The following LIPN variants were observed in gnomAD, a reference collection of about 807,000 sequenced individuals.
LIPN encodes lipase family member N.
LIPN carries 32 observed loss-of-function variants against 43.7 expected under a neutral mutation model. The observed-to-expected ratio is 0.73, with a 90% CI of 0.55 to 0.98. The LOEUF is 0.98. Among genes scored for constraint, LIPN ranks in the 50% least tolerant of loss-of-function variants. LIPN has a pLI of 0.00. For missense variants in LIPN, 505 were observed against 483.8 expected (o/e 1.04, Z -0.41); for synonymous variants, 156 against 157.6 (o/e 0.99, Z 0.08).
chr10:88,771,014 C>T, intron 7 of LIPN, 23 bp downstream of exon 7: 1 of 1,526,978 alleles, frequency 6.5e-7, no homozygotes. Flanking sequence ...ATTATAGGGC[C>T]ATTTGATACC....
At chr10:88,764,330 A>G (rs1843052126) in intron 3 of LIPN, 80 bp from the exon 4 acceptor site, 11 of 1,095,118 alleles carry the variant, frequency 1.0e-5, no homozygotes, top group East Asian at 2.4e-5. Context: ...GACATGCTCT[A>G]TTTAACATAA....
At chr10:88,757,706 G>A (rs1255625141), upstream of LIPN, among the ~76,000 whole-genome samples, 1 of 152,062 alleles carries the variant, frequency 6.6e-6, no homozygotes, top group Non-Finnish European at 1.5e-5. Flanking sequence ...TAGTAATTAT[G>A]AACATTCCCA....
At chr10:88,769,516 T>G in intron 6 of LIPN, 1 of 909,376 alleles carries the variant, frequency 1.1e-6, no homozygotes, top group Non-Finnish European at 1.3e-6. Flanking sequence ...TTAAAGGGTT[T>G]TTTTTTTTTT....
chr10:88,771,794 G>A (rs1170849658), intron 7 of LIPN, among the ~76,000 whole-genome samples: 1 of 150,822 alleles, frequency 6.6e-6, no homozygotes, highest in East Asian at 2.0e-4. Flanking sequence ...TGGATCATAT[G>A]GTAATTCTAC....
chr10:88,766,243 A>G, intron 4 of LIPN, 26 bp from the exon 5 acceptor site: 1 of 1,123,730 alleles, frequency 8.9e-7, no homozygotes, highest in South Asian at 1.3e-5. Flanking sequence ...GCAAGTATTT[A>G]TAAAAGCCCC....
intron 9 of LIPN, 72 bp from the exon 10 acceptor site, chr10:88,777,937 C>T (rs1843321851): frequency 1.1e-6 from 1 of 874,364 alleles, no homozygotes; most frequent in Non-Finnish European, 1.8e-6. Flanking sequence ...TGTCCACATT[C>T]ATTTAGCAGC....
upstream of LIPN, among the ~76,000 whole-genome samples, chr10:88,759,735 A>G (rs781571156): frequency 6.6e-6 from 1 of 152,082 alleles, no homozygotes; most frequent in Non-Finnish European, 1.5e-5. Context: ...CTGATTGTCC[A>G]TTAAGATCTT....
At chr10:88,758,040 G>C (rs1386155793), upstream of LIPN, among the ~76,000 whole-genome samples, 1 of 151,968 alleles carries the variant, frequency 6.6e-6, no homozygotes, top group Non-Finnish European at 1.5e-5. Context: ...TTTTAACTTT[G>C]AGTTATTTTC....
chr10:88,763,258 T>C (rs961682564), intron 3 of LIPN, among the ~76,000 whole-genome samples: 3 of 152,082 alleles, frequency 2.0e-5, no homozygotes, highest in Non-Finnish European at 2.9e-5. Flanking sequence ...AAAGTCATTA[T>C]TTATTCACTA....
intron 5 of LIPN, among the ~76,000 whole-genome samples, chr10:88,766,861 G>A (rs1011649172): frequency 7.2e-5 from 11 of 151,894 alleles, no homozygotes; most frequent in Non-Finnish European, 1.5e-4. Flanking sequence ...TTTGTGAGTT[G>A]GAACACACAA....
chr10:88,774,363 A>T, intron 7 of LIPN, 110 bp from the exon 8 acceptor site: 1 of 659,784 alleles, frequency 1.5e-6, no homozygotes. Context: ...CTACCTTGTT[A>T]TTTTCAAAGC....
Position 88,764,559 on chromosome 10 carries a change from A to T in LIPN, c.376A>T (p.Arg126Ter), listed in dbSNP as rs1843059047. ...MGNSRGNTWS[R>*]RHKTLSETDE... ...AAACAGTCGGGGAAACACTTGGTCA[A>T]GAAGACACAAAACACTCTCAGAGAC... Residue 126 changes from arginine to a stop codon, truncating the protein, a stop_gained, in exon 4 of 10, where the codon AGA (arginine) becomes TGA (stop). Transcript: ENST00000404459. LOFTEE classifies it high-confidence loss of function. The T allele has an allele frequency of 6.2e-7, 1 of 1,611,800 alleles. No individual in the cohort carries two copies. Among genetic ancestry groups the T allele is most frequent in the East Asian group, 2.2e-5 (1 of 44,782 alleles).
At chr10:88,774,326 C>A in intron 7 of LIPN, 147 bp from the exon 8 acceptor site, 1 of 593,596 alleles carries the variant, frequency 1.7e-6, no homozygotes, top group Admixed American at 2.9e-5. Flanking sequence ...AAGTATTGAC[C>A]TAAATGGTAT....
chr10:88,773,809 G>A (rs962595213), intron 7 of LIPN, among the ~76,000 whole-genome samples: 2 of 151,854 alleles, frequency 1.3e-5, no homozygotes, highest in Admixed American at 1.3e-4. Context: ...ATTTTTAATA[G>A]TTTCTCTTAA....
At chr10:88,777,579 C>T (rs1438318029) in intron 9 of LIPN, among the ~76,000 whole-genome samples, 1 of 151,746 alleles carries the variant, frequency 6.6e-6, no homozygotes, top group East Asian at 1.9e-4. Flanking sequence ...AGTTTATATC[C>T]TATCATATTC....
intron 1 of LIPN, among the ~76,000 whole-genome samples, chr10:88,760,897 A>C (rs1206243917): frequency 6.6e-6 from 1 of 152,126 alleles, no homozygotes; most frequent in East Asian, 1.9e-4. Context: ...AATACGCAAA[A>C]TTTGCCTTTG....
upstream of LIPN, among the ~76,000 whole-genome samples, chr10:88,758,537 A>G: frequency 6.7e-6 from 1 of 148,804 alleles, no homozygotes; most frequent in East Asian, 1.9e-4. Flanking sequence ...TACTTTTATT[A>G]TATAGAAAAT....
intron 3 of LIPN, 124 bp from the exon 4 acceptor site, chr10:88,764,286 C>G (rs1318656625): frequency 3.1e-6 from 2 of 643,374 alleles, no homozygotes; most frequent in Admixed American, 6.0e-5. Context: ...TTTGTTTTAC[C>G]ATGTGTGTAT....
intron 7 of LIPN, among the ~76,000 whole-genome samples, chr10:88,771,731 A>G (rs1264707220): frequency 6.8e-6 from 1 of 148,108 alleles, no homozygotes; most frequent in East Asian, 2.0e-4. Flanking sequence ...TGTCTCTTCC[A>G]TGGATTGATT....
Sources: allele counts gnomAD v4.1 joint callset (sites outside exome capture counted in the v4.1 genomes callset), GRCh38; gene constraint gnomAD v4.1.1; transcripts MANE v1.5; gene names NCBI Gene and HGNC (gene_info 2026-07-23, HGNC 2026-07-21).